Variants in RYR2 observed in about 807,000 individuals in gnomAD.
The protein encoded by RYR2 is cardiac muscle ryanodine receptor-calcium release channel.
A neutral mutation model predicts 601.1 loss-of-function variants in RYR2; 227 were observed. That is an observed-to-expected ratio of 0.38 (90% CI 0.34 to 0.42). RYR2 has a LOEUF of 0.42. RYR2 is among the 10% of genes least tolerant of loss of function. The pLI, the probability that RYR2 is intolerant of heterozygous loss-of-function variation, is 1.00. For missense variants in RYR2, 4,646 were observed against 6,156.5 expected (o/e 0.75, Z 8.21); for synonymous variants, 2,223 against 2,175.1 (o/e 1.02, Z -0.61).
chr1:237,176,536 C>G (rs1678077862), intron 1 of RYR2, among the ~76,000 whole-genome samples: 1 of 151,158 alleles, frequency 6.6e-6, no homozygotes, highest in Non-Finnish European at 1.5e-5. Flanking sequence ...ATAAATAAAC[C>G]CTTGGTTTTG....
chr1:237,338,303 A>G (rs774782256), intron 3 of RYR2, among the ~76,000 whole-genome samples: 10 of 152,206 alleles, frequency 6.6e-5, no homozygotes, highest in Admixed American at 3.9e-4. Context: ...TGTCTTATGT[A>G]CATACCAATT....
At chr1:237,551,964 A>G (rs1670449808) in intron 27 of RYR2, among the ~76,000 whole-genome samples, 1 of 152,182 alleles carries the variant, frequency 6.6e-6, no homozygotes. Flanking sequence ...AGGCATCCTG[A>G]CATATTTTAG....
At chr1:237,331,777 G>A (rs1696766732) in intron 3 of RYR2, among the ~76,000 whole-genome samples, 3 of 151,820 alleles carry the variant, frequency 2.0e-5, no homozygotes, top group Admixed American at 6.6e-5. Context: ...GCCTCCCAAA[G>A]TGCTGGGATT....
intron 41 of RYR2, among the ~76,000 whole-genome samples, chr1:237,629,149 A>T (rs758702685): frequency 2.6e-5 from 4 of 152,186 alleles, no homozygotes; most frequent in Non-Finnish European, 4.4e-5. Flanking sequence ...TATACTACTG[A>T]TTTATACATG....
intron 9 of RYR2, 69 bp downstream of exon 9, chr1:237,387,449 A>G: frequency 7.3e-7 from 1 of 1,366,702 alleles, no homozygotes; most frequent in Non-Finnish European, 1.0e-6. Flanking sequence ...TGGAATTGTG[A>G]TAATGAGCTG....
intron 1 of RYR2, among the ~76,000 whole-genome samples, chr1:237,193,794 A>G (rs796674053): frequency 3.1e-4 from 47 of 152,348 alleles, no homozygotes; most frequent in African/African-American, 1.1e-3. Flanking sequence ...ATAAAACTAT[A>G]AAACAAAAAT....
At chr1:237,301,224 ATC>A (rs1441989451) in intron 2 of RYR2, among the ~76,000 whole-genome samples, 1 of 152,192 alleles carries the variant, frequency 6.6e-6, no homozygotes, top group Non-Finnish European at 1.5e-5. Context: ...CTCTATGCTA[ATC>A]TCTCTTTATG....
At position 237,827,757 on chromosome 1, in the gene RYR2, T is replaced by A. The variant is rs1574113425; in HGVS notation, c.14591-624T>A. On this transcript the variant is annotated intron_variant, in intron 101 of 104. Transcript: ENST00000366574. ...ATCGAGACCATCCTGGCTAACACGG[T>A]GAAACCCTGTCTCTCCTAAAAATAC... Among the ~76,000 whole-genome samples the A allele has an allele frequency of 3.3e-5, 5 of 150,864 alleles. No homozygotes were observed. The South Asian group carries it at 1.0e-3, about 32-fold the overall frequency.
Position 237,626,870 on chromosome 1 carries a change from G to A in RYR2, c.6167-937G>A, listed in dbSNP as rs183617564. Among the ~76,000 whole-genome samples the A allele has an allele frequency of 2.5e-4, 38 of 152,050 alleles. 1 individual carries two copies. Among genetic ancestry groups the A allele is most frequent in the Admixed American group, 1.4e-3 (22 of 15,276 alleles). On this transcript the variant is annotated intron_variant, in intron 40 of 104. Transcript: ENST00000366574. ...TTATAGGAGTGAGCCACTGTGCATG[G>A]CCAGAGTTCAACGTTTCTTATGAAT...
At chr1:237,671,923 G>T (rs1684986263) in intron 58 of RYR2, among the ~76,000 whole-genome samples, 1 of 152,148 alleles carries the variant, frequency 6.6e-6, no homozygotes, top group Admixed American at 6.5e-5. Context: ...GCCCACTGCT[G>T]TCAAGCATTT....
At position 237,718,512 on chromosome 1, in the gene RYR2, A is replaced by G. The variant is rs1246758548; in HGVS notation, c.10545A>G (p.Leu3515=). ...VRDIIRSNIH[L]QGKLEDPAIR... ...ATATAATCCGCAGCAATATTCATTT[A>G]CAAGGCAAGGTAAGCCAAATTTTAT... Residue 3515 remains leucine (L), a synonymous_variant, in exon 73 of 105, where the codon TTA becomes TTG. Coordinates refer to ENST00000366574, the MANE Select transcript of RYR2 (RefSeq NM_001035.3). 2.5e-6 allele frequency: 4 copies of G among 1,593,740 alleles called. No homozygotes were observed. The South Asian group carries it at 4.4e-5, about 18-fold the overall frequency.
At chr1:237,808,426 C>T (rs1004924614) in intron 99 of RYR2, among the ~76,000 whole-genome samples, 32 of 152,038 alleles carry the variant, frequency 2.1e-4, no homozygotes, top group African/African-American at 6.7e-4. Flanking sequence ...TTTGAGATGC[C>T]GAGGCGGGCA....
chr1:237,357,191 G>A lies in RYR2; in HGVS notation c.294+1206G>A, dbSNP rs940572890. 5.9e-5 allele frequency among the ~76,000 whole-genome samples: 9 copies of A among 151,978 alleles called. No homozygotes were observed. In the South Asian group the frequency reaches 6.2e-4, roughly 11 times the overall value. On this transcript the variant is annotated intron_variant, in intron 4 of 104. Transcript: ENST00000366574. ...GAAGTCTTCATTTCTCTTTATAACCGAACTACTACTACTTTTGACCAACTA... is the reference window on the plus strand; with the variant it reads ...GAAGTCTTCATTTCTCTTTATAACCAAACTACTACTACTTTTGACCAACTA...
intron 3 of RYR2, among the ~76,000 whole-genome samples, chr1:237,346,845 C>T (rs1698354612): frequency 1.3e-5 from 2 of 152,130 alleles, no homozygotes; most frequent in Non-Finnish European, 2.9e-5. Context: ...TATGATATTA[C>T]AGTATGGAGA....
intron 3 of RYR2, among the ~76,000 whole-genome samples, chr1:237,353,838 G>GA (rs370890095): frequency 1.3e-5 from 2 of 152,026 alleles, no homozygotes; most frequent in African/African-American, 2.4e-5. Flanking sequence ...CAAGTTTTTG[G>GA]AAAAAATGTT....
Position 237,369,529 on chromosome 1 carries a change from T to G in RYR2, c.310-5T>G, listed in dbSNP as rs1487803250. 1 of 1,558,384 alleles carries G rather than the reference T, an allele frequency of 6.4e-7. No homozygotes were observed. Among genetic ancestry groups the G allele is most frequent in the Non-Finnish European group, 8.7e-7 (1 of 1,149,734 alleles). The stretch of plus-strand genomic sequence containing the variant: ...TTGTTCTCCTTTTTTCTCTTCTCTC[T>G]AAAGACTGCTCAAGGTGGTGGTCAT... On this transcript the variant is annotated splice_polypyrimidine_tract_variant and splice_region_variant and intron_variant, in intron 5 of 104. Coordinates refer to ENST00000366574, the MANE Select transcript of RYR2 (RefSeq NM_001035.3).
At chr1:237,470,194 C>T (rs536014751) in intron 17 of RYR2, among the ~76,000 whole-genome samples, 53 of 152,178 alleles carry the variant, frequency 3.5e-4, no homozygotes, top group African/African-American at 1.1e-3. Flanking sequence ...TTGTTCTTTC[C>T]GGATCTACCA....
intron 3 of RYR2, among the ~76,000 whole-genome samples, chr1:237,339,756 T>TCC (rs1182147096): frequency 6.6e-6 from 1 of 152,166 alleles, no homozygotes; most frequent in African/African-American, 2.4e-5. Context: ...TCCCTCATGA[T>TCC]TACAGGATAC....
At chr1:237,094,987 T>C (rs1304456201) in intron 1 of RYR2, among the ~76,000 whole-genome samples, 1 of 152,236 alleles carries the variant, frequency 6.6e-6, no homozygotes, top group African/African-American at 2.4e-5. Context: ...GTGTGATTTA[T>C]GTCATGTAAA....
Sources: gnomAD v4.1 joint callset for allele counts (sites outside exome capture counted in the v4.1 genomes callset) on GRCh38, gnomAD v4.1.1 for gene constraint, MANE v1.5 for transcripts, NCBI Gene and HGNC (gene_info 2026-07-23, HGNC 2026-07-21) for gene names.